POLA1: variants seen among roughly 807,000 people sequenced by gnomAD.
POLA1 encodes DNA polymerase alpha 1, catalytic subunit.
A neutral mutation model predicts 124.0 loss-of-function variants in POLA1; 15 were observed. That is an observed-to-expected ratio of 0.12 (90% confidence interval 0.08 to 0.19). The LOEUF (loss-of-function observed/expected upper bound fraction) is 0.19, where lower values mean the gene tolerates loss of function less well. POLA1 is among the 10% of genes least tolerant of loss of function. The pLI is 1.00. For missense variants in POLA1, 886 were observed against 1,103.4 expected, an observed-to-expected ratio of 0.80 and a Z score of 2.79; for synonymous variants, 408 against 389.4, an observed-to-expected ratio of 1.05 and a Z score of -0.56.
chrX:24,986,471 A>AATAT lies in POLA1; in HGVS notation c.4262-9322_4262-9319dup, dbSNP rs916034052. 4.7e-5 allele frequency among the ~76,000 whole-genome samples: 5 copies of AATAT among 106,629 alleles called. No homozygotes were observed. The East Asian group carries it at 1.2e-3, about 25-fold the overall frequency. The allele number at this position is 106,629 out of a possible 115,157, so 92.6% of individuals were successfully genotyped here. On this transcript the variant is annotated intron_variant, in intron 36 of 36. Transcript: ENST00000379068. ...GCAAGAGTAAGACTTTGTCTCTTTA[A>AATAT]ATATATATATATATAGTCAGGTGAC...
At chrX:24,824,568 C>T (rs2046143172) in intron 31 of POLA1, among the ~76,000 whole-genome samples, 1 of 106,840 alleles carries the variant, frequency 9.4e-6, no homozygotes, top group Non-Finnish European at 1.9e-5. Flanking sequence ...CTCAGCCTCT[C>T]CAAGTACTGG....
intron 26 of POLA1, among the ~76,000 whole-genome samples, chrX:24,779,244 A>G (rs1267846110): frequency 9.1e-6 from 1 of 110,490 alleles, no homozygotes; most frequent in Non-Finnish European, 1.9e-5. Flanking sequence ...ACACCCAGCT[A>G]ATTTTTATAT....
In POLA1 at chrX:24,737,567, T is replaced by A. The variant is rs182655972; in HGVS notation, c.1924-58T>A. 1.7e-4 allele frequency: 103 copies of A among 604,176 alleles called. No individual in the cohort carries two copies. The African/African-American group carries it at 2.1e-3, about 12-fold the overall frequency. 49.8% of individuals were successfully genotyped at this position (604,176 alleles called of 1,213,427 possible). On this transcript the variant is annotated intron_variant, in intron 18 of 36. Coordinates refer to ENST00000379068, the MANE Select transcript of POLA1 (RefSeq NM_001330360.2). Reference sequence around the variant, plus strand: ...CAAAGAAATTCTGTGCGTATGAAGATAAATCCTCTAATTTGCATTTGTTAT... The same window carrying A: ...CAAAGAAATTCTGTGCGTATGAAGAAAAATCCTCTAATTTGCATTTGTTAT...
intron 34 of POLA1, among the ~76,000 whole-genome samples, chrX:24,883,886 A>G (rs147333540): frequency 0.037 from 4,101 of 111,582 alleles, 209 homozygotes; most frequent in African/African-American, 0.13. Context: ...AAGGAACTAC[A>G]CTTTTATTAA....
intron 30 of POLA1, 43 bp from the exon 31 acceptor site, chrX:24,821,409 G>A (rs1207221323): frequency 9.0e-7 from 1 of 1,115,671 alleles, no homozygotes; most frequent in East Asian, 3.0e-5. Flanking sequence ...GTGTAAGAAG[G>A]GTTTTATTTT....
chrX:24,696,074 G>A (rs1044710889), intron 1 of POLA1, among the ~76,000 whole-genome samples: 2 of 112,773 alleles, frequency 1.8e-5, no homozygotes, highest in African/African-American at 6.4e-5. Context: ...CGTTACATGA[G>A]CCGCTCCTAT....
chrX:24,739,655 A>T lies in POLA1; in HGVS notation c.2216+105A>T, dbSNP rs183991167. 74 of 472,430 alleles carry T rather than the reference A, an allele frequency of 1.6e-4. No homozygotes were observed. In the African/African-American group the frequency reaches 1.6e-3, roughly 11 times the overall value. 38.9% of individuals were successfully genotyped at this position (472,430 alleles called of 1,213,427 possible). ...GAGGGACATGAGCCAGTGGTGTTGT[A>T]GAGGGGAAATTGTCTCTACTACTTT... is the stretch of plus-strand genomic sequence containing the variant. On this transcript the variant is annotated intron_variant, in intron 20 of 36. Transcript: ENST00000379068.
At chrX:24,754,152 C>G (rs1230993504) in intron 26 of POLA1, among the ~76,000 whole-genome samples, 1 of 111,512 alleles carries the variant, frequency 9.0e-6, no homozygotes, top group Non-Finnish European at 1.9e-5. Context: ...GAATGAGTGA[C>G]TATGAAGAAT....
At chrX:24,863,204 AC>A (rs764973644) in intron 34 of POLA1, among the ~76,000 whole-genome samples, 6 of 111,139 alleles carry the variant, frequency 5.4e-5, no homozygotes, top group South Asian at 7.7e-4. Context: ...TAGCATACTC[AC>A]AGAACAGAAT....
At chrX:24,977,856 A>G (rs2048382278) in intron 36 of POLA1, among the ~76,000 whole-genome samples, 1 of 111,362 alleles carries the variant, frequency 9.0e-6, no homozygotes, top group Admixed American at 9.5e-5. Context: ...TGGTGGGCTC[A>G]GAGACCCTCA....
intron 26 of POLA1, among the ~76,000 whole-genome samples, chrX:24,785,384 G>T (rs1370534866): frequency 8.9e-6 from 1 of 111,948 alleles, no homozygotes; most frequent in African/African-American, 3.2e-5. Context: ...CATATTTATT[G>T]GGGGTGACCA....
At chrX:24,914,056 A>C (rs2047493575) in intron 35 of POLA1, among the ~76,000 whole-genome samples, 1 of 110,021 alleles carries the variant, frequency 9.1e-6, no homozygotes, top group Non-Finnish European at 1.9e-5. Flanking sequence ...TTTTAAAAAA[A>C]GTCATGGCAT....
chrX:24,867,502 A>G (rs1266784927), intron 34 of POLA1, among the ~76,000 whole-genome samples: 13 of 111,770 alleles, frequency 1.2e-4, no homozygotes, highest in Non-Finnish European at 2.4e-4. Flanking sequence ...TTCAGAAAGA[A>G]TGTAAGCTAG....
intron 1 of POLA1, among the ~76,000 whole-genome samples, chrX:24,697,032 A>C (rs1414060785): frequency 9.0e-6 from 1 of 111,578 alleles, no homozygotes; most frequent in African/African-American, 3.3e-5. Flanking sequence ...AGGCAAAATT[A>C]ACAGCTCTCT....
At position 24,982,902 on chromosome X, in the gene POLA1, G is replaced by A. The variant is rs1021834795; in HGVS notation, c.4262-12903G>A. ...GGGCTATTTTGAGAGTGGCACTAGC[G>A]CCATCCTTTAAGCCTGCTCCATTTC... On this transcript the variant is annotated intron_variant, in intron 36 of 36. Coordinates refer to ENST00000379068, the MANE Select transcript of POLA1 (RefSeq NM_001330360.2). Among the ~76,000 whole-genome samples, 3 of 111,218 alleles carry A rather than the reference G, an allele frequency of 2.7e-5. No individual in the cohort carries two copies. In the East Asian group the frequency reaches 8.4e-4, roughly 31 times the overall value.
At chrX:24,946,142 C>A (rs975162404) in intron 36 of POLA1, among the ~76,000 whole-genome samples, 36 of 111,151 alleles carry the variant, frequency 3.2e-4, no homozygotes, top group Non-Finnish European at 1.9e-4. Context: ...TGGAGGCTAA[C>A]CCAAACGTGG....
chrX:24,818,446 G>A (rs1261063990), intron 30 of POLA1, among the ~76,000 whole-genome samples: 1 of 111,250 alleles, frequency 9.0e-6, no homozygotes, highest in Non-Finnish European at 1.9e-5. Context: ...TCAAATACTT[G>A]GGAGAGTTTC....
At chrX:24,831,508 C>T (rs1375419124) in intron 32 of POLA1, among the ~76,000 whole-genome samples, 1 of 110,950 alleles carries the variant, frequency 9.0e-6, no homozygotes, top group Non-Finnish European at 1.9e-5. Context: ...GCAACCTCTG[C>T]CTCTCAGGTT....
At chrX:24,928,137 G>A (rs1166991206) in intron 35 of POLA1, among the ~76,000 whole-genome samples, 3 of 111,985 alleles carry the variant, frequency 2.7e-5, no homozygotes. Context: ...AAAAGGGCAG[G>A]AGGTGTTGGT....
Sources: allele counts gnomAD v4.1 joint callset (sites outside exome capture counted in the v4.1 genomes callset), GRCh38; gene constraint gnomAD v4.1.1; transcripts MANE v1.5; gene names NCBI Gene and HGNC (gene_info 2026-07-23, HGNC 2026-07-21).